Variants in ST18 observed in about 807,000 individuals in gnomAD.
The protein encoded by ST18 is ST18 C2H2C-type zinc finger transcription factor.
In ST18, 50 loss-of-function variants were observed where a neutral mutation model predicts 110.0. That is an observed-to-expected ratio of 0.45 (90% confidence interval 0.36 to 0.58). ST18 has a LOEUF of 0.58. Among genes scored for constraint, ST18 ranks in the 20% least tolerant of loss-of-function variants. The pLI is 0.00. For synonymous variants in ST18, 461 were observed against 452.4 expected, an observed-to-expected ratio of 1.02 and a Z score of -0.24; for missense variants, 1,306 against 1,280.1, an observed-to-expected ratio of 1.02 and a Z score of -0.31.
intron 2 of ST18, among the ~76,000 whole-genome samples, chr8:52,322,558 C>G (rs1254128521): frequency 6.6e-6 from 1 of 152,200 alleles, no homozygotes; most frequent in Non-Finnish European, 1.5e-5. Flanking sequence ...CTGACACACT[C>G]TTTTCAATAA....
At chr8:52,214,680 G>A (rs2083465115) in intron 6 of ST18, among the ~76,000 whole-genome samples, 1 of 152,034 alleles carries the variant, frequency 6.6e-6, no homozygotes. Flanking sequence ...CTCTTTCTAA[G>A]CTTGGAAAAA....
In ST18 at chr8:52,182,779, C is replaced by T. The variant is rs1186328775; in HGVS notation, c.87-2467G>A. Among the ~76,000 whole-genome samples the T allele has an allele frequency of 2.6e-5, 4 of 152,002 alleles. No individual in the cohort carries two copies. In the East Asian group the frequency reaches 7.7e-4, roughly 29 times the overall value. ...CACTTGAAAATGAGCTCTCATGCTG[C>T]ATGTTCCATAACAGGACTGAAGAAG... On this transcript the variant is annotated intron_variant, in intron 8 of 25. Coordinates refer to ENST00000689386, the MANE Select transcript of ST18 (RefSeq NM_001352837.2).
intron 2 of ST18, among the ~76,000 whole-genome samples, chr8:52,270,579 T>A (rs2095041327): frequency 6.6e-6 from 1 of 152,210 alleles, no homozygotes; most frequent in South Asian, 2.1e-4. Flanking sequence ...GTCTGTGACA[T>A]GATGGATATG....
At chr8:52,355,663 G>C (rs1822383416) in intron 2 of ST18, among the ~76,000 whole-genome samples, 1 of 152,182 alleles carries the variant, frequency 6.6e-6, no homozygotes, top group South Asian at 2.1e-4. Flanking sequence ...AGAAGCTGCT[G>C]TTTTGCAGTA....
intron 2 of ST18, among the ~76,000 whole-genome samples, chr8:52,340,124 A>C (rs1814183676): frequency 6.6e-6 from 1 of 152,256 alleles, no homozygotes; most frequent in African/African-American, 2.4e-5. Context: ...TAATAATGCA[A>C]ATTTGCTTCG....
chr8:52,122,976 C>G (rs576029641), intron 23 of ST18, among the ~76,000 whole-genome samples: 3 of 152,152 alleles, frequency 2.0e-5, no homozygotes, highest in African/African-American at 7.2e-5. Context: ...CTAGAAGGAG[C>G]TCCTAAATGC....
In ST18 at chr8:52,166,967, C is replaced by G; in HGVS notation, c.1089G>C (p.Lys363Asn). Residue 363 changes from lysine (K) to asparagine (N), a missense_variant, in exon 11 of 26, where the codon AAG (lysine) becomes AAC (asparagine). Transcript: ENST00000689386. Reference protein sequence around the residue: ...FNNKHSPRPEKRETKCPIPGC... With the variant: ...FNNKHSPRPENRETKCPIPGC... ...CAGGGATCGGGCACTTGGTCTCCCT[C>G]TTTTCAGGCCTTGGTGAATCTATGG... 1 of 1,610,442 alleles carries G rather than the reference C, an allele frequency of 6.2e-7. No homozygotes were observed.
chr8:52,183,450 G>A (rs1375346614), intron 8 of ST18, among the ~76,000 whole-genome samples: 2 of 152,128 alleles, frequency 1.3e-5, no homozygotes, highest in East Asian at 1.9e-4. Context: ...AGGATGAAGA[G>A]GATATGTAAG....
intron 2 of ST18, among the ~76,000 whole-genome samples, chr8:52,354,001 T>G (rs74785414): frequency 0.022 from 3,361 of 152,358 alleles, 133 homozygotes; most frequent in African/African-American, 0.077. Flanking sequence ...CTCCACCTGC[T>G]GAACAGCGTC....
chr8:52,297,660 C>G (rs927279641), intron 2 of ST18, among the ~76,000 whole-genome samples: 1 of 152,052 alleles, frequency 6.6e-6, no homozygotes, highest in South Asian at 2.1e-4. Context: ...ATTATAAAAG[C>G]TATTAATAAA....
At chr8:52,253,172 C>T (rs16917571) in intron 2 of ST18, among the ~76,000 whole-genome samples, 2,657 of 152,084 alleles carry the variant, frequency 0.017, 68 homozygotes, top group African/African-American at 0.061. Context: ...ACTTCGACTG[C>T]TGACTGCCTT....
chr8:52,340,344 C>T (rs1814318606), intron 2 of ST18, among the ~76,000 whole-genome samples: 1 of 152,144 alleles, frequency 6.6e-6, no homozygotes, highest in South Asian at 2.1e-4. Flanking sequence ...TTTTATGTGC[C>T]CTGAAGCTTA....
At chr8:52,312,206 T>A (rs1474587967) in intron 2 of ST18, among the ~76,000 whole-genome samples, 2 of 152,126 alleles carry the variant, frequency 1.3e-5, no homozygotes, top group African/African-American at 4.8e-5. Context: ...CTATATCCGA[T>A]TTACTAGGGT....
At chr8:52,390,396 C>T (rs1045596558) in intron 2 of ST18, among the ~76,000 whole-genome samples, 2 of 152,028 alleles carry the variant, frequency 1.3e-5, no homozygotes, top group African/African-American at 2.4e-5. Flanking sequence ...CTCTGTCTCT[C>T]AAGACAAAAA....
At chr8:52,212,218 C>T (rs910366980) in intron 7 of ST18, 109 bp from the exon 8 acceptor site, 2 of 1,010,210 alleles carry the variant, frequency 2.0e-6, no homozygotes, top group Non-Finnish European at 2.9e-6. Flanking sequence ...AAGTTTCTCA[C>T]TGGGTGGGTT....
At chr8:52,248,384 T>A (rs914279581) in intron 2 of ST18, 12 of 152,152 alleles carry the variant, frequency 7.9e-5, no homozygotes, top group Non-Finnish European at 2.9e-5. Context: ...ACATTAACAA[T>A]ACTTTTTAAA....
chr8:52,314,960 G>A (rs1255942399), intron 2 of ST18, among the ~76,000 whole-genome samples: 1 of 152,146 alleles, frequency 6.6e-6, no homozygotes, highest in Non-Finnish European at 1.5e-5. Flanking sequence ...AGAGGGCCAG[G>A]AGAAAGGGCA....
intron 16 of ST18, among the ~76,000 whole-genome samples, chr8:52,149,467 C>G (rs532535391): frequency 1.3e-5 from 2 of 152,348 alleles, no homozygotes; most frequent in South Asian, 4.1e-4. Flanking sequence ...ATAATATAAT[C>G]TCTTGTGCAG....
At chr8:52,376,010 C>G (rs1207818934) in intron 2 of ST18, among the ~76,000 whole-genome samples, 1 of 152,184 alleles carries the variant, frequency 6.6e-6, no homozygotes, top group East Asian at 1.9e-4. Context: ...AGAGCACATC[C>G]AGATTCTGGC....
Sources: allele counts gnomAD v4.1 joint callset (sites outside exome capture counted in the v4.1 genomes callset), GRCh38; gene constraint gnomAD v4.1.1; transcripts MANE v1.5; gene names NCBI Gene and HGNC (gene_info 2026-07-23, HGNC 2026-07-21).